The following NSUN4 variants were observed in gnomAD, a reference collection of about 807,000 sequenced individuals.
NSUN4 encodes NOP2/Sun RNA methyltransferase 4, also known as 5-cytosine rRNA methyltransferase NSUN4.
In NSUN4, 31 loss-of-function variants were observed where a neutral mutation model predicts 43.8. The ratio of observed to expected loss-of-function variants is 0.71; its 90% confidence interval spans 0.53 to 0.96. The LOEUF is 0.96. Ranked by LOEUF, NSUN4 falls within the 40% of genes least tolerant of loss-of-function variation. The probability of loss-of-function intolerance (pLI) is 0.00; values close to 1 mark genes in which losing one functional copy is unlikely to be tolerated. For missense variants in NSUN4, 439 were observed against 475.6 expected (o/e 0.92, Z 0.72); for synonymous variants, 167 against 184.1 (o/e 0.91, Z 0.75).
the NSUN4 span, chr1:46,370,882 G>A: frequency 1.3e-5 from 2 of 152,572 alleles, no homozygotes; most frequent in Admixed American, 1.3e-4. Flanking sequence ...GTTCATGGTG[G>A]ACATTGTTAT....
At chr1:46,341,002 C>T (rs1402678563) in intron 1 of NSUN4, 83 bp downstream of exon 1, 5 of 1,331,228 alleles carry the variant, frequency 3.8e-6, no homozygotes, top group African/African-American at 2.9e-5. Context: ...CTCTAGAACG[C>T]CTAGCGTCTT....
rs1663998927 is a variant in NSUN4, at chr1:46,363,408, C to A, written c.*1562C>A. 6.6e-6 allele frequency: 1 copy of A among 152,254 alleles called. No individual in the cohort carries two copies. The highest frequency in any genetic ancestry group is 6.5e-5 in the Admixed American group (1 of 15,284). 9.4% of individuals were successfully genotyped at this position (152,254 alleles called of 1,614,324 possible). On this transcript the variant is annotated 3_prime_UTR_variant, in exon 6 of 6. Coordinates refer to ENST00000474844, the MANE Select transcript of NSUN4 (RefSeq NM_199044.4). ...AGGTGCCTGGGCTTCTGCCCTTGGA[C>A]TCCTGGATATCCAGCCTAGTGCTAA...
At chr1:46,358,976 G>A (rs115869379) in intron 4 of NSUN4, among the ~76,000 whole-genome samples, 4,282 of 152,060 alleles carry the variant, frequency 0.028, 201 homozygotes, top group African/African-American at 0.096. Context: ...AATTGGGGCC[G>A]GCCAGGCATG....
intron 4 of NSUN4, among the ~76,000 whole-genome samples, chr1:46,356,740 A>G (rs1453364275): frequency 1.3e-5 from 2 of 151,940 alleles, no homozygotes; most frequent in Admixed American, 1.3e-4. Context: ...AGGGCTCTAC[A>G]TACTCTTGGT....
At chr1:46,374,980 C>T in the NSUN4 span, among the ~76,000 whole-genome samples, 5 of 151,730 alleles carry the variant, frequency 3.3e-5, no homozygotes, top group Admixed American at 6.6e-5. Context: ...TCAATTTATT[C>T]GTATTTCAAA....
intron 4 of NSUN4, among the ~76,000 whole-genome samples, chr1:46,357,908 T>G (rs1000083703): frequency 2.4e-4 from 37 of 152,184 alleles, no homozygotes; most frequent in Admixed American, 1.0e-3. Flanking sequence ...TCTGTCAAAT[T>G]ATTATCATTT....
At chr1:46,375,900 A>C in the NSUN4 span, among the ~76,000 whole-genome samples, 1 of 151,784 alleles carries the variant, frequency 6.6e-6, no homozygotes, top group Non-Finnish European at 1.5e-5. Flanking sequence ...TGAGGTCGGG[A>C]GTTCAAGACC....
the NSUN4 span, among the ~76,000 whole-genome samples, chr1:46,374,790 GGAGTATAT>G: frequency 6.6e-6 from 1 of 151,856 alleles, no homozygotes; most frequent in African/African-American, 2.4e-5. Context: ...CTTGAGCCCA[GGAGTATAT>G]GAGTATATGA....
the NSUN4 span, among the ~76,000 whole-genome samples, chr1:46,383,676 C>T: frequency 1.3e-5 from 2 of 151,528 alleles, no homozygotes; most frequent in South Asian, 2.1e-4. Flanking sequence ...AGGATGGTCT[C>T]GATCTCCTGA....
intron 3 of NSUN4, among the ~76,000 whole-genome samples, chr1:46,348,806 C>CTTTTT (rs1662729613): frequency 3.7e-5 from 3 of 81,088 alleles, no homozygotes; most frequent in African/African-American, 4.5e-5. Flanking sequence ...GCCTTGTGCA[C>CTTTTT]TGTTTTTTTT....
At chr1:46,373,499 C>G in the NSUN4 span, among the ~76,000 whole-genome samples, 1 of 152,164 alleles carries the variant, frequency 6.6e-6, no homozygotes, top group African/African-American at 2.4e-5. Flanking sequence ...CTAGTGAGGG[C>G]CTTCTTGCTG....
At chr1:46,344,727 C>G in intron 1 of NSUN4, 74 bp from the exon 2 acceptor site, 1 of 1,349,580 alleles carries the variant, frequency 7.4e-7, no homozygotes, top group Non-Finnish European at 1.0e-6. Flanking sequence ...CCCCTAGGCT[C>G]TGAGGTGGGG....
chr1:46,360,980 A>G, intron 5 of NSUN4, 152 bp downstream of exon 5: 1 of 869,544 alleles, frequency 1.2e-6, no homozygotes, highest in South Asian at 1.6e-5. Flanking sequence ...TCTCTGGAAC[A>G]TAAAAACCCT....
rs1450543793 is a variant in NSUN4 at position 46,344,864 on chromosome 1, A to G, written c.157A>G (p.Ser53Gly). Reference protein sequence around the residue: ...LALQNFDMTYSVQFGDLWPSI... With the variant: ...LALQNFDMTYGVQFGDLWPSI... ...TTTGCAGAATTTTGACATGACTTAC[A>G]GTGTGCAGTTTGGAGATCTTTGGCC... Residue 53 changes from serine (S) to glycine (G), a missense_variant, in exon 2 of 6, where the codon AGT becomes GGT. Coordinates refer to ENST00000474844, the MANE Select transcript of NSUN4 (RefSeq NM_199044.4). The G allele has an allele frequency of 6.2e-7, 1 of 1,614,208 alleles. No individual in the cohort carries two copies.
chr1:46,353,755 G>A (rs571065243), intron 4 of NSUN4, among the ~76,000 whole-genome samples: 1 of 152,072 alleles, frequency 6.6e-6, no homozygotes, highest in East Asian at 1.9e-4. Flanking sequence ...AGGATTACAG[G>A]CGTGAGCCAC....
downstream of NSUN4, among the ~76,000 whole-genome samples, chr1:46,368,512 CAT>C (rs1664187008): frequency 6.6e-6 from 1 of 152,138 alleles, no homozygotes; most frequent in Non-Finnish European, 1.5e-5. Context: ...CTGCTGGAGA[CAT>C]GTGCTGGAAG....
the NSUN4 span, among the ~76,000 whole-genome samples, chr1:46,384,476 C>T: frequency 5.6e-4 from 86 of 152,256 alleles, no homozygotes; most frequent in African/African-American, 1.8e-3. Context: ...ACACCCATTA[C>T]GGCTGTGAGG....
rs1434257016 is a variant in NSUN4 at position 46,352,859 on chromosome 1, T to C, written c.593-9T>C. On this transcript the variant is annotated splice_polypyrimidine_tract_variant and intron_variant, in intron 3 of 5. Transcript: ENST00000474844. ...GGTCATGGCCTCTGAAGTATCTTTA[T>C]TTCCATAGGCAATCTTGCTGCCAAT... The C allele has an allele frequency of 1.2e-6, 2 of 1,613,624 alleles. No homozygotes were observed. Among genetic ancestry groups the C allele is most frequent in the Non-Finnish European group, 1.7e-6 (2 of 1,179,708 alleles).
intron 3 of NSUN4, among the ~76,000 whole-genome samples, chr1:46,347,380 AT>A (rs1557738113): frequency 6.6e-6 from 1 of 152,076 alleles, no homozygotes; most frequent in Non-Finnish European, 1.5e-5. Flanking sequence ...GGAGGTTACA[AT>A]GAGCTGAGAT....
Sources: allele counts gnomAD v4.1 joint callset (sites outside exome capture counted in the v4.1 genomes callset), GRCh38; gene constraint gnomAD v4.1.1; transcripts MANE v1.5; gene names NCBI Gene and HGNC (gene_info 2026-07-23, HGNC 2026-07-21).